PRR16: variants seen among roughly 807,000 people sequenced by gnomAD.
PRR16 encodes the protein proline rich 16, also known as protein Largen.
In PRR16, 6 loss-of-function variants were observed where a neutral mutation model predicts 18.2. The observed-to-expected ratio is 0.33, with a 90% CI of 0.18 to 0.65. The LOEUF is 0.65. PRR16 is among the 30% of genes least tolerant of loss of function. PRR16 has a pLI of 0.74. For synonymous variants in PRR16, 151 were observed against 147.8 expected, an observed-to-expected ratio of 1.02 and a Z score of -0.16; for missense variants, 412 against 376.6, an observed-to-expected ratio of 1.09 and a Z score of -0.78.
intron 1 of PRR16, among the ~76,000 whole-genome samples, chr5:120,653,583 G>A (rs1755865502): frequency 6.6e-6 from 1 of 151,938 alleles, no homozygotes; most frequent in South Asian, 2.1e-4. Flanking sequence ...GGTAGGAAGG[G>A]ATATCTGCAG....
At chr5:120,628,633 T>C (rs1159495860) in intron 1 of PRR16, among the ~76,000 whole-genome samples, 3 of 149,184 alleles carry the variant, frequency 2.0e-5, no homozygotes, top group Admixed American at 6.9e-5. Context: ...TCTACTCATC[T>C]CTCTATCTTT....
chr5:120,534,662 G>A (rs1006449193), intron 1 of PRR16, among the ~76,000 whole-genome samples: 2 of 152,050 alleles, frequency 1.3e-5, no homozygotes, highest in African/African-American at 4.8e-5. Flanking sequence ...CTCAGCATAA[G>A]TTGGTCCATC....
chr5:120,657,576 C>T (rs1263107932), intron 1 of PRR16, among the ~76,000 whole-genome samples: 1 of 151,938 alleles, frequency 6.6e-6, no homozygotes, highest in Non-Finnish European at 1.5e-5. Flanking sequence ...AGTCTAAATA[C>T]TGAATCCCAG....
chr5:120,495,145 T>C (rs554178243), intron 1 of PRR16, among the ~76,000 whole-genome samples: 173 of 152,222 alleles, frequency 1.1e-3, no homozygotes, highest in Non-Finnish European at 1.7e-3. Flanking sequence ...GTTAGAGAAA[T>C]TGTATACTTT....
the PRR16 span, among the ~76,000 whole-genome samples, chr5:120,723,417 C>T: frequency 6.6e-6 from 1 of 151,770 alleles, no homozygotes; most frequent in Non-Finnish European, 1.5e-5. Flanking sequence ...CTTATGCTGT[C>T]TATGAGAAAT....
the PRR16 span, among the ~76,000 whole-genome samples, chr5:120,783,350 T>C: frequency 2.0e-5 from 3 of 152,142 alleles, no homozygotes; most frequent in Non-Finnish European, 4.4e-5. Flanking sequence ...AATTCAATCA[T>C]AGGTATTTAA....
At chr5:120,548,277 C>T (rs576580895) in intron 1 of PRR16, among the ~76,000 whole-genome samples, 1 of 152,196 alleles carries the variant, frequency 6.6e-6, no homozygotes, top group South Asian at 2.1e-4. Context: ...CTTACCTGAG[C>T]ACATGCAGAC....
At chr5:120,787,968 CT>C in the PRR16 span, among the ~76,000 whole-genome samples, 1 of 151,842 alleles carries the variant, frequency 6.6e-6, no homozygotes, top group Non-Finnish European at 1.5e-5. Context: ...GTCTTACTCT[CT>C]CTCTTGCTTC....
At position 120,492,655 on chromosome 5, in the gene PRR16, T is replaced by G. The variant is rs529045043; in HGVS notation, c.159+28010T>G. On this transcript the variant is annotated intron_variant, in intron 1 of 1. Coordinates refer to ENST00000407149, the MANE Select transcript of PRR16 (RefSeq NM_001300783.2). ...TTCATAGTGAATTCTGAGATTTTAG[T>G]GCACCCATCACCTGAGCAGTGTACA... Among the ~76,000 whole-genome samples, 8 of 152,252 alleles carry G rather than the reference T, an allele frequency of 5.3e-5. No individual in the cohort carries two copies. In the East Asian group the frequency reaches 1.2e-3, roughly 22 times the overall value.
At chr5:120,705,399 C>G in the PRR16 span, among the ~76,000 whole-genome samples, 1 of 151,896 alleles carries the variant, frequency 6.6e-6, no homozygotes, top group Non-Finnish European at 1.5e-5. Flanking sequence ...ACATATATAT[C>G]AGTATTTTCC....
chr5:120,618,068 AT>A (rs1269281774), intron 1 of PRR16, among the ~76,000 whole-genome samples: 1 of 152,064 alleles, frequency 6.6e-6, no homozygotes, highest in Non-Finnish European at 1.5e-5. Flanking sequence ...GACTCTAGTT[AT>A]TTTTTGTGTT....
chr5:120,560,556 T>A (rs1485801766), intron 1 of PRR16, among the ~76,000 whole-genome samples: 4 of 152,106 alleles, frequency 2.6e-5, no homozygotes, highest in African/African-American at 9.7e-5. Context: ...TGTTGAGGAT[T>A]TTCACATCAA....
At chr5:120,594,610 T>C (rs1472588714) in intron 1 of PRR16, among the ~76,000 whole-genome samples, 3 of 152,064 alleles carry the variant, frequency 2.0e-5, no homozygotes, top group African/African-American at 7.2e-5. Flanking sequence ...AAAACTATTT[T>C]AAAATTCATA....
At chr5:120,514,891 G>A (rs191383986) in intron 1 of PRR16, among the ~76,000 whole-genome samples, 7 of 152,034 alleles carry the variant, frequency 4.6e-5, no homozygotes, top group African/African-American at 1.2e-4. Flanking sequence ...CCTGCTCTTC[G>A]AAATTCTTCC....
At chr5:120,725,517 C>A in the PRR16 span, among the ~76,000 whole-genome samples, 1 of 151,642 alleles carries the variant, frequency 6.6e-6, no homozygotes, top group Admixed American at 6.6e-5. Flanking sequence ...ACACACACAC[C>A]CACACTCACA....
chr5:120,652,330 G>C (rs900144792), intron 1 of PRR16, among the ~76,000 whole-genome samples: 1 of 152,018 alleles, frequency 6.6e-6, no homozygotes, highest in African/African-American at 2.4e-5. Context: ...TAGCAGTCAT[G>C]ATATACTTTG....
intron 1 of PRR16, among the ~76,000 whole-genome samples, chr5:120,593,300 T>C (rs1189753331): frequency 2.0e-5 from 3 of 151,812 alleles, no homozygotes; most frequent in African/African-American, 7.3e-5. Context: ...TAAGCACAAT[T>C]ACAAATGGCA....
intron 1 of PRR16, among the ~76,000 whole-genome samples, chr5:120,635,461 A>C (rs1755195806): frequency 6.6e-6 from 1 of 152,208 alleles, no homozygotes; most frequent in African/African-American, 2.4e-5. Context: ...GGATGGTTTA[A>C]CATACATAAA....
At chr5:120,698,519 A>AGTGTAAACC in the PRR16 span, among the ~76,000 whole-genome samples, 409 of 82,256 alleles carry the variant, frequency 5.0e-3, 1 homozygote, top group Middle Eastern at 0.025. Flanking sequence ...CAGTGTAAAC[A>AGTGTAAACC]AGAGCAGGGC....
Sources: gnomAD v4.1 joint callset for allele counts (sites outside exome capture counted in the v4.1 genomes callset) on GRCh38, gnomAD v4.1.1 for gene constraint, MANE v1.5 for transcripts, NCBI Gene and HGNC (gene_info 2026-07-23, HGNC 2026-07-21) for gene names.